The following HDAC9 variants were observed in gnomAD, a reference collection of about 807,000 sequenced individuals.
The protein encoded by HDAC9 is histone deacetylase 9.
HDAC9 carries 41 observed loss-of-function variants against 139.4 expected under a neutral mutation model. The ratio of observed to expected loss-of-function variants is 0.29; its 90% confidence interval spans 0.23 to 0.38. HDAC9 has a LOEUF of 0.38. Among genes scored for constraint, HDAC9 ranks in the 10% least tolerant of loss-of-function variants. HDAC9 has a pLI of 1.00. For missense variants in HDAC9, 1,147 were observed against 1,297.0 expected (o/e 0.88, Z 1.78); for synonymous variants, 517 against 476.2 (o/e 1.09, Z -1.12).
chr7:18,546,758 C>T (rs1283715722), intron 2 of HDAC9, among the ~76,000 whole-genome samples: 4 of 152,248 alleles, frequency 2.6e-5, no homozygotes, highest in South Asian at 2.1e-4. Context: ...GTTGGAGAAT[C>T]GCTGAGTCAC....
intron 1 of HDAC9, among the ~76,000 whole-genome samples, chr7:18,358,857 G>C (rs1469396017): frequency 6.6e-6 from 1 of 152,206 alleles, no homozygotes; most frequent in East Asian, 1.9e-4. Context: ...AACCACGTTA[G>C]AAGAATGTGG....
intron 13 of HDAC9, among the ~76,000 whole-genome samples, chr7:18,728,153 T>G (rs1785710525): frequency 6.6e-6 from 1 of 152,196 alleles, no homozygotes; most frequent in South Asian, 2.1e-4. Context: ...TTTGTTTTTT[T>G]GTTTGTTTGT....
At chr7:18,846,763 G>C (rs1796934455) in intron 21 of HDAC9, among the ~76,000 whole-genome samples, 2 of 152,130 alleles carry the variant, frequency 1.3e-5, no homozygotes, top group African/African-American at 4.8e-5. Context: ...GGGGGGCAAC[G>C]GTGTTTTAAT....
chr7:18,594,440 A>G (rs1197377861), intron 6 of HDAC9, among the ~76,000 whole-genome samples: 1 of 152,062 alleles, frequency 6.6e-6, no homozygotes, highest in African/African-American at 2.4e-5. Context: ...AATTTTTCCA[A>G]TAAATATTTT....
At chr7:18,743,183 C>A (rs1787614171) in intron 13 of HDAC9, among the ~76,000 whole-genome samples, 1 of 152,088 alleles carries the variant, frequency 6.6e-6, no homozygotes, top group African/African-American at 2.4e-5. Flanking sequence ...AACTTACATG[C>A]TGGTTGAATC....
In HDAC9 at chr7:18,866,657, A is replaced by G. The variant is rs955109623; in HGVS notation, c.2685-7821A>G. The stretch of plus-strand genomic sequence containing the variant: ...AATAAATTACTTCTAAATGAATATA[A>G]AAATATTGTTGAGTAACTTTATAAG... On this transcript the variant is annotated intron_variant, in intron 21 of 25. Coordinates refer to ENST00000686413, the MANE Select transcript of HDAC9 (RefSeq NM_178425.4). 2.6e-5 allele frequency among the ~76,000 whole-genome samples: 4 copies of G among 152,208 alleles called. No individual in the cohort carries two copies. In the East Asian group the frequency reaches 7.7e-4, roughly 29 times the overall value.
chr7:18,360,982 C>T (rs947347848), intron 1 of HDAC9, among the ~76,000 whole-genome samples: 1 of 152,132 alleles, frequency 6.6e-6, no homozygotes, highest in Non-Finnish European at 1.5e-5. Flanking sequence ...TAACATGCCA[C>T]AGTTAAGGGG....
chr7:18,566,593 C>T (rs1822436748), intron 2 of HDAC9, among the ~76,000 whole-genome samples: 1 of 152,134 alleles, frequency 6.6e-6, no homozygotes, highest in Admixed American at 6.5e-5. Context: ...GTTTTACCTC[C>T]CTGGTTTTAT....
chr7:18,371,751 T>C (rs1321697047), intron 1 of HDAC9, among the ~76,000 whole-genome samples: 2 of 152,180 alleles, frequency 1.3e-5, no homozygotes, highest in East Asian at 1.9e-4. Flanking sequence ...TTCATAGTTG[T>C]CTAAAATGAT....
At chr7:18,686,412 A>G (rs1782274158) in intron 12 of HDAC9, among the ~76,000 whole-genome samples, 1 of 151,864 alleles carries the variant, frequency 6.6e-6, no homozygotes, top group African/African-American at 2.4e-5. Context: ...TTTCCTTCAT[A>G]CTAAACACAT....
At chr7:18,330,223 C>G (rs1800811397) in intron 1 of HDAC9, among the ~76,000 whole-genome samples, 1 of 151,564 alleles carries the variant, frequency 6.6e-6, no homozygotes, top group Non-Finnish European at 1.5e-5. Context: ...ATTCTTCACA[C>G]TTTAGTGAAG....
intron 13 of HDAC9, among the ~76,000 whole-genome samples, chr7:18,733,023 A>ACACATGTGTATGTGTGTG (rs1562894162): frequency 6.9e-6 from 1 of 145,704 alleles, no homozygotes; most frequent in Non-Finnish European, 1.5e-5. Flanking sequence ...ATGTGTGTAT[A>ACACATGTGTATGTGTGTG]TATGTATATA....
chr7:18,922,962 C>T (rs1232284149), intron 22 of HDAC9, among the ~76,000 whole-genome samples: 1 of 152,026 alleles, frequency 6.6e-6, no homozygotes, highest in Non-Finnish European at 1.5e-5. Flanking sequence ...AGTAATGTCT[C>T]TTCAATGAAT....
rs28688791 is a variant in HDAC9 at position 18,999,982 on chromosome 7, T to C, written c.*3920T>C. ...GGCATGTATCTTAACATTCTTTTCC[T>C]GCTTCAGGAATGAAATCACTTGTCC... On this transcript the variant is annotated 3_prime_UTR_variant, in exon 26 of 26. Transcript: ENST00000686413. 0.24 allele frequency: 36,098 copies of C among 152,032 alleles called. 4,433 individuals carry two copies. Among genetic ancestry groups the C allele is most frequent in the East Asian group, 0.36 (1,875 of 5,168 alleles). 9.4% of individuals were successfully genotyped at this position (152,032 alleles called of 1,614,324 possible).
At chr7:18,954,263 G>T in intron 24 of HDAC9, 33 bp downstream of exon 24, 1 of 1,283,846 alleles carries the variant, frequency 7.8e-7, no homozygotes, top group Non-Finnish European at 1.1e-6. Flanking sequence ...AAAATTCTAA[G>T]CAGGTAAAAC....
chr7:18,539,243 C>A (rs927183509), intron 2 of HDAC9, among the ~76,000 whole-genome samples: 4 of 152,146 alleles, frequency 2.6e-5, no homozygotes, highest in African/African-American at 7.2e-5. Context: ...AGGAAGGGCA[C>A]TTCACCTCGT....
chr7:18,373,271 G>T (rs1784733465), intron 1 of HDAC9, among the ~76,000 whole-genome samples: 1 of 152,058 alleles, frequency 6.6e-6, no homozygotes, highest in Non-Finnish European at 1.5e-5. Flanking sequence ...GAAAAGGTGG[G>T]TGGGTATGTT....
chr7:18,884,349 C>A lies in HDAC9; in HGVS notation c.2803+9753C>A, dbSNP rs1001625641. 4.1e-4 allele frequency among the ~76,000 whole-genome samples: 62 copies of A among 152,262 alleles called. 1 individual carries two copies. The highest frequency in any genetic ancestry group is 1.3e-3 in the African/African-American group (54 of 41,556). ...AGCATGACAGTGGCATAAAAACAGA[C>A]ACATAGACCAATGGAACAGAATAGA... is the stretch of plus-strand genomic sequence containing the variant. On this transcript the variant is annotated intron_variant, in intron 22 of 25. Coordinates refer to ENST00000686413, the MANE Select transcript of HDAC9 (RefSeq NM_178425.4).
rs1450712193 is a variant in HDAC9, at chr7:18,996,430, T to C, written c.*368T>C. On this transcript the variant is annotated 3_prime_UTR_variant, in exon 26 of 26. Transcript: ENST00000686413. ...GAAGCTATGACAGCCAGTGAAATTTTGGGCAAAACCTGAGACATAGTCATT... is the reference window on the plus strand; with the variant it reads ...GAAGCTATGACAGCCAGTGAAATTTCGGGCAAAACCTGAGACATAGTCATT... 5.8e-6 allele frequency: 1 copy of C among 171,642 alleles called. No homozygotes were observed. Among genetic ancestry groups the C allele is most frequent in the Non-Finnish European group, 1.2e-5 (1 of 80,020 alleles). 10.6% of individuals were successfully genotyped at this position (171,642 alleles called of 1,614,324 possible). A position where few individuals can be genotyped will look rare whatever the true frequency, so the allele number is the denominator to read the frequency against.
Sources: allele counts gnomAD v4.1 joint callset (sites outside exome capture counted in the v4.1 genomes callset), GRCh38; gene constraint gnomAD v4.1.1; transcripts MANE v1.5; gene names NCBI Gene and HGNC (gene_info 2026-07-23, HGNC 2026-07-21).